Variants in NCOA7 observed in about 807,000 individuals in gnomAD.
NCOA7 encodes the protein 140 kDa estrogen receptor-associated protein.
In NCOA7, 45 loss-of-function variants were observed where a neutral mutation model predicts 104.3. That is an observed-to-expected ratio of 0.43 (90% CI 0.34 to 0.55). The LOEUF (loss-of-function observed/expected upper bound fraction) is 0.55, where lower values mean the gene tolerates loss of function less well. NCOA7 is among the 20% of genes least tolerant of loss of function. The pLI is 0.02. For missense variants in NCOA7, 1,041 were observed against 1,119.7 expected, an observed-to-expected ratio of 0.93 and a Z score of 1.00; for synonymous variants, 398 against 402.3, an observed-to-expected ratio of 0.99 and a Z score of 0.13.
intron 10 of NCOA7, among the ~76,000 whole-genome samples, chr6:125,911,437 T>C (rs970920702): frequency 1.3e-5 from 2 of 152,250 alleles, no homozygotes; most frequent in African/African-American, 4.8e-5. Context: ...CCTCTTTTAA[T>C]TGAGCAAGGC....
At chr6:125,788,477 A>G (rs1320804144), upstream of NCOA7, among the ~76,000 whole-genome samples, 2 of 152,116 alleles carry the variant, frequency 1.3e-5, no homozygotes, top group African/African-American at 4.8e-5. Flanking sequence ...ATGATACAGC[A>G]TGCAGTCCTA....
chr6:125,825,730 A>G (rs1016387737), intron 2 of NCOA7, among the ~76,000 whole-genome samples: 2 of 151,908 alleles, frequency 1.3e-5, no homozygotes, highest in Non-Finnish European at 2.9e-5. Context: ...TGGCTCCAAC[A>G]TCTTTTTTTT....
At chr6:125,834,145 A>C (rs555679216) in intron 2 of NCOA7, among the ~76,000 whole-genome samples, 17 of 152,022 alleles carry the variant, frequency 1.1e-4, no homozygotes, top group Admixed American at 1.0e-3. Flanking sequence ...TGGGCAGCTT[A>C]TTTTTGTTTT....
intron 1 of NCOA7, among the ~76,000 whole-genome samples, chr6:125,799,623 G>T (rs1054317836): frequency 6.6e-6 from 1 of 151,980 alleles, no homozygotes; most frequent in Non-Finnish European, 1.5e-5. Flanking sequence ...TGTATTTTTA[G>T]TAGAGACGGG....
intron 6 of NCOA7, 113 bp downstream of exon 6, chr6:125,881,316 G>C (rs1271278341): frequency 2.5e-6 from 2 of 814,170 alleles, no homozygotes; most frequent in African/African-American, 1.7e-5. Context: ...CTAGATGGTT[G>C]AGATTAGGTA....
chr6:125,808,857 G>A (rs1013836157), intron 1 of NCOA7, among the ~76,000 whole-genome samples: 6 of 152,210 alleles, frequency 3.9e-5, no homozygotes, highest in Non-Finnish European at 7.3e-5. Context: ...GTATGTAGGA[G>A]ATTTGATGGC....
chr6:125,891,996 C>A (rs993419274), intron 10 of NCOA7, among the ~76,000 whole-genome samples: 1 of 152,114 alleles, frequency 6.6e-6, no homozygotes, highest in African/African-American at 2.4e-5. Flanking sequence ...AGAAGCAGTG[C>A]AGATTTCTGA....
At chr6:125,854,981 T>C in intron 2 of NCOA7, 39 bp from the exon 3 acceptor site, 1 of 1,381,052 alleles carries the variant, frequency 7.2e-7, no homozygotes. Context: ...CAGCAAATCA[T>C]CTCTCCAATG....
intron 3 of NCOA7, among the ~76,000 whole-genome samples, chr6:125,867,122 G>C (rs1331387650): frequency 6.6e-6 from 1 of 152,104 alleles, no homozygotes; most frequent in African/African-American, 2.4e-5. Context: ...ATGTCATATA[G>C]TTTGATACCA....
chr6:125,853,702 G>T (rs181868203), intron 2 of NCOA7, among the ~76,000 whole-genome samples: 7 of 152,172 alleles, frequency 4.6e-5, no homozygotes, highest in Admixed American at 1.3e-4. Context: ...TGTATTAGGG[G>T]ATATTTTACT....
intron 8 of NCOA7, among the ~76,000 whole-genome samples, chr6:125,888,028 T>C (rs368504498): frequency 6.6e-6 from 1 of 152,226 alleles, no homozygotes; most frequent in South Asian, 2.1e-4. Context: ...GTCATTTTTT[T>C]TAAATGTATT....
intron 6 of NCOA7, among the ~76,000 whole-genome samples, chr6:125,881,426 C>G (rs979603203): frequency 6.6e-6 from 1 of 152,020 alleles, no homozygotes; most frequent in Non-Finnish European, 1.5e-5. Context: ...TCCCAGCACT[C>G]TGGGAGGCCG....
chr6:125,844,429 A>C (rs1307362768), intron 2 of NCOA7, among the ~76,000 whole-genome samples: 7 of 152,256 alleles, frequency 4.6e-5, no homozygotes, highest in Non-Finnish European at 8.8e-5. Context: ...AATCAGGAAC[A>C]TCCACAGGTT....
intron 8 of NCOA7, 69 bp from the exon 9 acceptor site, chr6:125,888,870 C>A: frequency 8.0e-7 from 1 of 1,247,108 alleles, no homozygotes; most frequent in Non-Finnish European, 1.1e-6. Flanking sequence ...TGTTTTTTGC[C>A]TTTCCTCCAT....
chr6:125,829,224 A>G (rs1226391915), intron 2 of NCOA7, among the ~76,000 whole-genome samples: 2 of 152,168 alleles, frequency 1.3e-5, no homozygotes, highest in African/African-American at 2.4e-5. Context: ...TTTATAATCT[A>G]TGTCCAAAAG....
chr6:125,871,567 A>C (rs1476147026), intron 3 of NCOA7, among the ~76,000 whole-genome samples: 2 of 152,234 alleles, frequency 1.3e-5, no homozygotes, highest in Non-Finnish European at 2.9e-5. Context: ...CCAACTGTAA[A>C]ACATAGTATT....
intron 3 of NCOA7, 94 bp downstream of exon 3, chr6:125,855,334 A>G (rs887086086): frequency 8.9e-6 from 9 of 1,015,966 alleles, no homozygotes; most frequent in Admixed American, 2.2e-5. Context: ...TAATAATGGT[A>G]ACAGTTTATG....
At chr6:125,899,807 T>A (rs1174782288) in intron 10 of NCOA7, 1 of 238,186 alleles carries the variant, frequency 4.2e-6, no homozygotes, top group African/African-American at 2.2e-5. Context: ...CCCAGTAACT[T>A]CAGTAACCAG....
At chr6:125,899,923 G>T in intron 10 of NCOA7, 1 of 522,472 alleles carries the variant, frequency 1.9e-6, no homozygotes, top group South Asian at 1.4e-5. Flanking sequence ...TTCTGGTGGC[G>T]GAGCAAGCTT....
Sources: allele counts gnomAD v4.1 joint callset (sites outside exome capture counted in the v4.1 genomes callset), GRCh38; gene constraint gnomAD v4.1.1; transcripts MANE v1.5; gene names NCBI Gene and HGNC (gene_info 2026-07-23, HGNC 2026-07-21).